The following ARHGAP23 variants were observed in gnomAD, a reference collection of about 807,000 sequenced individuals.
ARHGAP23 encodes the protein Rho GTPase activating protein 23, also known as rho GTPase-activating protein 23.
Under a neutral mutation model 136.3 loss-of-function variants are expected in ARHGAP23, and 34 were observed. The ratio of observed to expected loss-of-function variants is 0.25; its 90% CI spans 0.19 to 0.33. The LOEUF (loss-of-function observed/expected upper bound fraction) is 0.33, where lower values mean the gene tolerates loss of function less well. Ranked by LOEUF, ARHGAP23 falls within the 10% of genes least tolerant of loss-of-function variation. The pLI is 1.00. For missense variants in ARHGAP23, 1,808 were observed against 2,139.0 expected (o/e 0.85, Z 3.05); for synonymous variants, 832 against 920.5 (o/e 0.90, Z 1.74).
At position 38,478,379 on chromosome 17, in the gene ARHGAP23, G is replaced by A. The variant is rs567140937; in HGVS notation, c.2436+483G>A. ...CTTGGCCTTTGGCCACAGGTGGGCA[G>A]GGGTGGAGCCAAGGGCCTCGGCAGG... On this transcript the variant is annotated intron_variant, in intron 12 of 23. Transcript: ENST00000622683. Among the ~76,000 whole-genome samples the A allele has an allele frequency of 1.2e-4, 19 of 152,230 alleles. No homozygotes were observed. In the South Asian group the frequency reaches 3.7e-3, roughly 30 times the overall value.
chr17:38,446,717 T>C (rs2039043761), intron 1 of ARHGAP23, among the ~76,000 whole-genome samples: 1 of 151,952 alleles, frequency 6.6e-6, no homozygotes, highest in African/African-American at 2.4e-5. Context: ...GTTCAAGCGA[T>C]TCTCCTGCCT....
intron 23 of ARHGAP23, among the ~76,000 whole-genome samples, chr17:38,504,383 C>T (rs2040583655): frequency 6.6e-6 from 1 of 152,198 alleles, no homozygotes; most frequent in Admixed American, 6.5e-5. Context: ...GCAGGAGGCA[C>T]CAGGCATCTG....
intron 22 of ARHGAP23, among the ~76,000 whole-genome samples, chr17:38,498,735 G>T (rs1330864065): frequency 2.6e-5 from 4 of 152,172 alleles, no homozygotes; most frequent in African/African-American, 9.7e-5. Flanking sequence ...CCCCGGGCAG[G>T]GTCGGAGCTT....
At chr17:38,463,021 C>A (rs2039498041) in intron 4 of ARHGAP23, 80 bp downstream of exon 4, 33 of 1,527,626 alleles carry the variant, frequency 2.2e-5, no homozygotes, top group Non-Finnish European at 2.7e-5. Context: ...GTTGGGGAGG[C>A]TCCTGTCCCC....
chr17:38,451,315 T>C (rs761866316), intron 1 of ARHGAP23: 6 of 152,286 alleles, frequency 3.9e-5, no homozygotes, highest in Non-Finnish European at 7.3e-5. Flanking sequence ...CCTCCTTGGC[T>C]GGGCCTTGCT....
At chr17:38,468,575 C>T (rs896924887) in intron 7 of ARHGAP23, among the ~76,000 whole-genome samples, 4 of 152,148 alleles carry the variant, frequency 2.6e-5, no homozygotes, top group Admixed American at 6.5e-5. Context: ...CTGGCTCCCC[C>T]AGCCAGCCTT....
intron 1 of ARHGAP23, among the ~76,000 whole-genome samples, chr17:38,441,778 A>G (rs2038925888): frequency 6.6e-6 from 1 of 152,156 alleles, no homozygotes; most frequent in African/African-American, 2.4e-5. Flanking sequence ...GCACTGTATT[A>G]TAGTCCAGGG....
rs2039918264 is a variant in ARHGAP23, at chr17:38,477,365, GA to G, written c.2119-213del. 6.6e-6 allele frequency among the ~76,000 whole-genome samples: 1 copy of G among 152,038 alleles called. No individual in the cohort carries two copies. The highest frequency in any genetic ancestry group is 1.9e-4 in the East Asian group (1 of 5,178). ...GGGGTCTGCTGGGGGGCTTTAGGAT[GA>G]TGGGTAGGGGTGTCTAGGCAGGCAA... On this transcript the variant is annotated intron_variant, in intron 11 of 23. Coordinates refer to ENST00000622683, the MANE Select transcript of ARHGAP23 (RefSeq NM_001199417.2). The surrounding 1 kb of genome is among the most constrained non-coding windows in gnomAD (Gnocchi z 6.6).
intron 11 of ARHGAP23, among the ~76,000 whole-genome samples, chr17:38,476,194 C>T (rs2039887898): frequency 2.6e-5 from 4 of 152,122 alleles, no homozygotes; most frequent in South Asian, 2.1e-4. Context: ...CTAACATGAT[C>T]GCTGCAGCTG....
At chr17:38,508,645 G>A (rs1044724790) in intron 23 of ARHGAP23, among the ~76,000 whole-genome samples, 1 of 152,178 alleles carries the variant, frequency 6.6e-6, no homozygotes, top group African/African-American at 2.4e-5. Context: ...GGCCCAGAGA[G>A]GGCAGAATGA....
At chr17:38,439,481 A>G (rs1442373239) in intron 1 of ARHGAP23, among the ~76,000 whole-genome samples, 1 of 152,164 alleles carries the variant, frequency 6.6e-6, no homozygotes, top group Non-Finnish European at 1.5e-5. Context: ...TGACTGATGA[A>G]TTGAGTGTTC....
rs1040889696 is a variant in ARHGAP23 at position 38,469,844 on chromosome 17, C to T, written c.1917-3C>T. 1.3e-6 allele frequency: 2 copies of T among 1,551,696 alleles called. No individual in the cohort carries two copies. Among genetic ancestry groups the T allele is most frequent in the Non-Finnish European group, 1.7e-6 (2 of 1,146,974 alleles). On this transcript the variant is annotated splice_polypyrimidine_tract_variant and splice_region_variant and intron_variant, in intron 9 of 23. Coordinates refer to ENST00000622683, the MANE Select transcript of ARHGAP23 (RefSeq NM_001199417.2). Reference sequence around the variant, plus strand: ...TCCCTCACCCTCGACCCTCGCTTTCCAGGCGCCTGCCAAACCGCATACCCA... The same window carrying T: ...TCCCTCACCCTCGACCCTCGCTTTCTAGGCGCCTGCCAAACCGCATACCCA...
rs2040447152 is a variant in ARHGAP23 at position 38,498,652 on chromosome 17, G to A, written c.3415+142G>A. 6 of 716,212 alleles carry A rather than the reference G, an allele frequency of 8.4e-6. 1 individual carries two copies. The Admixed American group carries it at 1.5e-4, about 18-fold the overall frequency. 44.4% of individuals were successfully genotyped at this position (716,212 alleles called of 1,614,324 possible). The stretch of plus-strand genomic sequence containing the variant: ...TGCCGGCCACCATGGAGATGGGGCT[G>A]TTGGGGGCCTTCTCCCTCCCTAGGG... On this transcript the variant is annotated intron_variant, in intron 22 of 23. Coordinates refer to ENST00000622683, the MANE Select transcript of ARHGAP23 (RefSeq NM_001199417.2).
chr17:38,469,304 G>A lies in ARHGAP23; in HGVS notation c.1804+5G>A. ...GCCATTACTCGCAGGACTGCAGTGA[G>A]CACTCCCCACACCCCCAGCCCCACC... On this transcript the variant is annotated splice_donor_5th_base_variant and intron_variant, in intron 8 of 23. Transcript: ENST00000622683. 1.3e-6 allele frequency: 2 copies of A among 1,548,628 alleles called. No homozygotes were observed. Among genetic ancestry groups the A allele is most frequent in the African/African-American group, 2.7e-5 (2 of 73,108 alleles).
chr17:38,423,485 C>A (rs1012000628), upstream of ARHGAP23, among the ~76,000 whole-genome samples: 12 of 151,972 alleles, frequency 7.9e-5, no homozygotes, highest in Non-Finnish European at 1.3e-4. Flanking sequence ...AATTCTCCTG[C>A]CTCAGCCTCC....
chr17:38,466,757 C>T lies in ARHGAP23; in HGVS notation c.1074C>T (p.Ala358=). ...RARSDDYLSR[A]TRSAEALGPG... is the part of the protein sequence containing the mutation. Reference sequence around the variant, plus strand: ...GCTCAGATGACTACTTGAGCCGGGCCACCCGTTCTGCCGAGGCACTGGGGC... The same window carrying T: ...GCTCAGATGACTACTTGAGCCGGGCTACCCGTTCTGCCGAGGCACTGGGGC... Residue 358 remains alanine (A), a synonymous_variant, in exon 7 of 24, where the codon GCC becomes GCT. Coordinates refer to ENST00000622683, the MANE Select transcript of ARHGAP23 (RefSeq NM_001199417.2). 1 of 1,548,736 alleles carries T rather than the reference C, an allele frequency of 6.5e-7. No homozygotes were observed. Among genetic ancestry groups the T allele is most frequent in the Non-Finnish European group, 8.7e-7 (1 of 1,146,108 alleles).
At chr17:38,490,267 C>T (rs756749141) in intron 18 of ARHGAP23, 92 bp downstream of exon 18, 1 of 1,338,730 alleles carries the variant, frequency 7.5e-7, no homozygotes, top group Non-Finnish European at 1.0e-6. Flanking sequence ...CTGCCCACGA[C>T]CCCTGTGGCC....
intron 1 of ARHGAP23, among the ~76,000 whole-genome samples, chr17:38,439,293 C>T (rs541713561): frequency 1.0e-3 from 156 of 152,212 alleles, no homozygotes; most frequent in African/African-American, 3.5e-3. Context: ...TCTCCAACTC[C>T]TATTCCTCTT....
Sources: gnomAD v4.1 joint callset for allele counts (sites outside exome capture counted in the v4.1 genomes callset) on GRCh38, gnomAD v4.1.1 for gene constraint, Gnocchi (gnomAD v3.1) non-coding constraint, MANE v1.5 for transcripts, NCBI Gene and HGNC (gene_info 2026-07-23, HGNC 2026-07-21) for gene names.